RBFOX1: variants seen among roughly 807,000 people sequenced by gnomAD.
RBFOX1 encodes RNA binding protein fox-1 homolog 1.
A neutral mutation model predicts 57.7 loss-of-function variants in RBFOX1; 8 were observed. That is an observed-to-expected ratio of 0.14 (90% confidence interval 0.08 to 0.25). The LOEUF (loss-of-function observed/expected upper bound fraction) is 0.25, where lower values mean the gene tolerates loss of function less well. RBFOX1 is among the 10% of genes least tolerant of loss of function. RBFOX1 has a pLI of 1.00. For missense variants in RBFOX1, 611 were observed against 548.5 expected (o/e 1.11, Z -1.14); for synonymous variants, 326 against 222.4 (o/e 1.47, Z -4.15).
chr16:6,498,220 C>G (rs988816592), intron 2 of RBFOX1, among the ~76,000 whole-genome samples: 1 of 136,494 alleles, frequency 7.3e-6, no homozygotes, highest in Non-Finnish European at 1.5e-5. Context: ...CCACTGCGCT[C>G]AAGCCTGGGT....
chr16:5,458,419 GAATGAGAAGA>G (rs923114448), intron 1 of RBFOX1, among the ~76,000 whole-genome samples: 7 of 152,184 alleles, frequency 4.6e-5, no homozygotes, highest in African/African-American at 1.7e-4. Context: ...GATGTTTGAG[GAATGAGAAGA>G]AATGAGAAGA....
chr16:7,699,173 C>G (rs1161746388), intron 14 of RBFOX1, among the ~76,000 whole-genome samples: 4 of 152,170 alleles, frequency 2.6e-5, no homozygotes, highest in Non-Finnish European at 5.9e-5. Context: ...CCTTGGGACA[C>G]ACTAACTGAT....
intron 3 of RBFOX1, among the ~76,000 whole-genome samples, chr16:7,042,972 C>A (rs1013202507): frequency 1.3e-5 from 2 of 152,162 alleles, no homozygotes; most frequent in Non-Finnish European, 2.9e-5. Context: ...ACTTTCCTAG[C>A]AGCATAGTTA....
intron 4 of RBFOX1, among the ~76,000 whole-genome samples, chr16:7,258,713 C>T (rs1302589281): frequency 1.3e-5 from 2 of 152,070 alleles, no homozygotes; most frequent in African/African-American, 4.8e-5. Context: ...TCTATTAGAG[C>T]CATTTAATCT....
intron 3 of RBFOX1, among the ~76,000 whole-genome samples, chr16:6,832,864 G>T (rs2092807930): frequency 6.6e-6 from 1 of 152,206 alleles, no homozygotes; most frequent in Non-Finnish European, 1.5e-5. Flanking sequence ...ATCAAAGCCT[G>T]TGCTAGACCT....
At position 7,504,712 on chromosome 16, in the gene RBFOX1, TATATATATATATATATATATATA is replaced by T. The variant is rs1258442588; in HGVS notation, c.28-13434_28-13412del. Reference sequence around the variant, plus strand: ...CTCCTGTGGAGATGAAGTGAGATTATATATATATATATATATATATATATATATATATATATATATATTTATAT... The same window carrying T: ...CTCCTGTGGAGATGAAGTGAGATTATTATATATATATATATATATTTATAT... On this transcript the variant is annotated intron_variant, in intron 4 of 15. Coordinates refer to ENST00000550418, the MANE Select transcript of RBFOX1 (RefSeq NM_018723.4). Among the ~76,000 whole-genome samples the T allele has an allele frequency of 1.2e-3, 4 of 3,422 alleles. 1 individual carries two copies. The highest frequency in any genetic ancestry group is 3.6e-3 in the African/African-American group (4 of 1,108). 2.2% of individuals were successfully genotyped at this position (3,422 alleles called of 152,430 possible). A position where few individuals can be genotyped will look rare whatever the true frequency, so the allele number is the denominator to read the frequency against.
At chr16:5,757,283 G>C (rs2053432566) in intron 3 of RBFOX1, among the ~76,000 whole-genome samples, 1 of 149,342 alleles carries the variant, frequency 6.7e-6, no homozygotes, top group Non-Finnish European at 1.5e-5. Context: ...CCAGGCTGGA[G>C]TGCAGTGGTG....
At chr16:6,218,863 AAAAAGAAG>A (rs34205738) in intron 1 of RBFOX1, among the ~76,000 whole-genome samples, 137,139 of 149,042 alleles carry the variant, frequency 0.92, 63,786 homozygotes, top group South Asian at 0.99. Flanking sequence ...GAAAAAAAAA[AAAAAGAAG>A]AAGGAGAAAA....
chr16:6,994,631 A>G (rs1316430812), intron 3 of RBFOX1, among the ~76,000 whole-genome samples: 1 of 152,208 alleles, frequency 6.6e-6, no homozygotes, highest in Non-Finnish European at 1.5e-5. Flanking sequence ...TGATTACATC[A>G]ATAATTCAAA....
intron 5 of RBFOX1, among the ~76,000 whole-genome samples, chr16:7,574,853 C>T (rs546719214): frequency 5.9e-5 from 9 of 152,146 alleles, no homozygotes; most frequent in African/African-American, 2.2e-4. Flanking sequence ...TCCTCCTTCT[C>T]CTAGACCTGC....
intron 4 of RBFOX1, among the ~76,000 whole-genome samples, chr16:7,467,668 A>G (rs927280132): frequency 6.6e-6 from 1 of 152,216 alleles, no homozygotes; most frequent in Non-Finnish European, 1.5e-5. Context: ...AGGATTAAAT[A>G]AGATTGTATA....
intron 2 of RBFOX1, among the ~76,000 whole-genome samples, chr16:6,554,557 T>C (rs2097058204): frequency 6.6e-6 from 1 of 152,206 alleles, no homozygotes; most frequent in Non-Finnish European, 1.5e-5. Flanking sequence ...TCAATAAAAC[T>C]GGTTTTCTAA....
chr16:6,210,373 A>G (rs1454617982), intron 1 of RBFOX1, among the ~76,000 whole-genome samples: 1 of 140,520 alleles, frequency 7.1e-6, no homozygotes, highest in Non-Finnish European at 1.6e-5. Flanking sequence ...AAAAAAAAAA[A>G]AAAAAGAGAA....
intron 3 of RBFOX1, among the ~76,000 whole-genome samples, chr16:6,656,883 C>A (rs1455384008): frequency 1.3e-5 from 2 of 149,620 alleles, no homozygotes; most frequent in Admixed American, 6.7e-5. Flanking sequence ...AACTCCTCTC[C>A]TCTCCTCTCC....
chr16:7,381,402 A>C (rs2097779965), intron 4 of RBFOX1, among the ~76,000 whole-genome samples: 2 of 152,230 alleles, frequency 1.3e-5, no homozygotes, highest in Non-Finnish European at 2.9e-5. Context: ...CCTTAAACAC[A>C]TACCTAATTC....
rs541066464 is a variant in RBFOX1 at position 5,563,323 on chromosome 16, C to T, written c.259-35579C>T. ...TTTCCATTTCACTGATTCAAAACAC[C>T]TCCTAGGTGAACTAACTGTCTGTCC... On this transcript the variant is annotated intron_variant, in intron 2 of 2. Transcript: ENST00000585867. Among the ~76,000 whole-genome samples the T allele has an allele frequency of 1.1e-3, 170 of 152,310 alleles. 1 individual carries two copies. In the Middle Eastern group the frequency reaches 0.014, roughly 12 times the overall value.
At chr16:5,385,246 C>G (rs926986160) in intron 1 of RBFOX1, among the ~76,000 whole-genome samples, 1 of 152,180 alleles carries the variant, frequency 6.6e-6, no homozygotes, top group Non-Finnish European at 1.5e-5. Context: ...AAGCTAGAAG[C>G]GACTCAATCC....
chr16:6,031,858 C>T (rs2095295138), intron 1 of RBFOX1, among the ~76,000 whole-genome samples: 1 of 152,164 alleles, frequency 6.6e-6, no homozygotes, highest in Non-Finnish European at 1.5e-5. Context: ...ATGGTACATT[C>T]AGTGAGTGAC....
At chr16:5,544,948 ATTCTTTTTTTTTTTTTTTTTTTT>A (rs1567213701) in intron 2 of RBFOX1, among the ~76,000 whole-genome samples, 2 of 112,712 alleles carry the variant, frequency 1.8e-5, no homozygotes, top group Non-Finnish European at 3.7e-5. Flanking sequence ...TTACTATTAC[ATTCTTTTTTTTTTTTTTTTTTTT>A]TTTTTTTTTT....
Sources: allele counts gnomAD v4.1 joint callset (sites outside exome capture counted in the v4.1 genomes callset), GRCh38; gene constraint gnomAD v4.1.1; transcripts MANE v1.5; gene names NCBI Gene and HGNC (gene_info 2026-07-23, HGNC 2026-07-21).